The following EPB41L5 variants were observed in gnomAD, a reference collection of about 807,000 sequenced individuals.
EPB41L5 encodes erythrocyte membrane protein band 4.1 like 5.
Under a neutral mutation model 106.6 loss-of-function variants are expected in EPB41L5, and 55 were observed. The ratio of observed to expected loss-of-function variants is 0.52; its 90% CI spans 0.42 to 0.65. The LOEUF (loss-of-function observed/expected upper bound fraction) is 0.65. Ranked by LOEUF, EPB41L5 falls within the 30% of genes least tolerant of loss-of-function variation. The pLI, the probability that EPB41L5 is intolerant of heterozygous loss-of-function variation, is 0.00. For missense variants in EPB41L5, 871 were observed against 882.1 expected (o/e 0.99, Z 0.16); for synonymous variants, 297 against 306.7 (o/e 0.97, Z 0.33).
intron 24 of EPB41L5, 70 bp downstream of exon 24, chr2:120,168,077 A>G (rs1190937412): frequency 1.3e-6 from 2 of 1,536,352 alleles, no homozygotes; most frequent in Admixed American, 1.8e-5. Context: ...AAAACTTATT[A>G]TCTCTAAAGC....
chr2:120,105,753 T>A (rs1334783814), intron 16 of EPB41L5: 7 of 985,216 alleles, frequency 7.1e-6, no homozygotes, highest in African/African-American at 1.7e-5. Context: ...TGTATGGCCC[T>A]TATAGTTGTT....
intron 22 of EPB41L5, among the ~76,000 whole-genome samples, chr2:120,166,133 C>T (rs1424644004): frequency 6.6e-6 from 1 of 152,020 alleles, no homozygotes; most frequent in East Asian, 1.9e-4. Flanking sequence ...TTGTGTATAT[C>T]AGAATCCCTT....
chr2:120,040,126 A>T (rs924593940), intron 2 of EPB41L5, among the ~76,000 whole-genome samples: 3 of 151,792 alleles, frequency 2.0e-5, no homozygotes, highest in African/African-American at 7.2e-5. Context: ...TAAAAAAAAG[A>T]TGGCAGCACT....
rs1038728388 is a variant in EPB41L5, at chr2:120,176,996, T to C, written c.*2089T>C. The C allele has an allele frequency of 2.6e-5, 4 of 152,184 alleles. No individual in the cohort carries two copies. The highest frequency in any genetic ancestry group is 4.8e-5 in the African/African-American group (2 of 41,442). 9.4% of individuals were successfully genotyped at this position (152,184 alleles called of 1,614,324 possible). On this transcript the variant is annotated 3_prime_UTR_variant, in exon 25 of 25. Transcript: ENST00000263713. The stretch of plus-strand genomic sequence containing the variant: ...TGAATTTCAAGCTCAGAGGAAACTT[T>C]GTCTCATGCCCTGACATGAAGTGGC...
At chr2:120,118,589 TGTAA>T (rs1309952249) in intron 16 of EPB41L5, among the ~76,000 whole-genome samples, 2 of 152,144 alleles carry the variant, frequency 1.3e-5, no homozygotes, top group African/African-American at 2.4e-5. Context: ...AGCTCCCAGT[TGTAA>T]GTGAGAACAT....
chr2:120,115,404 TTTTA>T (rs1340353925), intron 16 of EPB41L5, among the ~76,000 whole-genome samples: 1 of 152,208 alleles, frequency 6.6e-6, no homozygotes, highest in Non-Finnish European at 1.5e-5. Context: ...TCTCTTACTA[TTTTA>T]TTTATTTGTT....
At chr2:120,118,111 T>C (rs1340600573) in intron 16 of EPB41L5, among the ~76,000 whole-genome samples, 1 of 152,194 alleles carries the variant, frequency 6.6e-6, no homozygotes, top group Non-Finnish European at 1.5e-5. Flanking sequence ...AATTCAGCTA[T>C]CCTTGCCTCC....
At chr2:120,091,812 A>C (rs1298345738) in intron 13 of EPB41L5, 151 bp downstream of exon 13, 3 of 621,466 alleles carry the variant, frequency 4.8e-6, no homozygotes, top group Non-Finnish European at 5.7e-6. Flanking sequence ...ATTTCATGGG[A>C]TACACAGAGA....
At chr2:120,109,891 T>C (rs1000992480) in intron 16 of EPB41L5, among the ~76,000 whole-genome samples, 2 of 152,380 alleles carry the variant, frequency 1.3e-5, no homozygotes, top group Non-Finnish European at 1.5e-5. Context: ...GGTATGATTG[T>C]GCAGATTGCA....
intron 18 of EPB41L5, among the ~76,000 whole-genome samples, chr2:120,136,022 TACA>T (rs1327460812): frequency 2.2e-5 from 3 of 138,520 alleles, no homozygotes; most frequent in African/African-American, 8.3e-5. Flanking sequence ...AAAATGTAAC[TACA>T]ACAACTTTTC....
chr2:120,098,156 T>TTTTGTGTGTGTGTGTGTGTG (rs1553506368), intron 14 of EPB41L5, among the ~76,000 whole-genome samples: 7 of 133,728 alleles, frequency 5.2e-5, no homozygotes, highest in East Asian at 2.3e-4. Flanking sequence ...ATTGTTTGTT[T>TTTTGTGTGTGTGTGTGTGTG]TGTGTGTGTG....
At chr2:120,100,556 T>A (rs935282446) in intron 15 of EPB41L5, 143 bp from the exon 16 acceptor site, 25 of 677,596 alleles carry the variant, frequency 3.7e-5, no homozygotes, top group African/African-American at 2.7e-4. Flanking sequence ...ATTCATTAAC[T>A]ATCTCTAAGG....
At chr2:120,145,455 T>C (rs973309215) in intron 19 of EPB41L5, among the ~76,000 whole-genome samples, 11 of 152,156 alleles carry the variant, frequency 7.2e-5, no homozygotes, top group African/African-American at 2.7e-4. Flanking sequence ...GGTACTGTGA[T>C]TCCAATTATA....
intron 24 of EPB41L5, among the ~76,000 whole-genome samples, chr2:120,168,796 T>C (rs895835201): frequency 6.6e-6 from 1 of 152,248 alleles, no homozygotes; most frequent in Non-Finnish European, 1.5e-5. Flanking sequence ...ACTTATTGAA[T>C]GTCTGTGATG....
At chr2:120,120,200 G>T (rs1685145834) in intron 16 of EPB41L5, among the ~76,000 whole-genome samples, 1 of 152,070 alleles carries the variant, frequency 6.6e-6, no homozygotes, top group Admixed American at 6.6e-5. Context: ...AGGCTGAGGT[G>T]GGTAGATCAC....
At chr2:120,054,604 C>T (rs541497149) in intron 3 of EPB41L5, among the ~76,000 whole-genome samples, 3 of 151,794 alleles carry the variant, frequency 2.0e-5, no homozygotes, top group African/African-American at 7.3e-5. Flanking sequence ...CCGGTTCGAG[C>T]AGTTCTCCTG....
intron 1 of EPB41L5, among the ~76,000 whole-genome samples, chr2:120,015,015 A>T (rs1490192800): frequency 1.4e-5 from 2 of 146,384 alleles, no homozygotes; most frequent in Non-Finnish European, 3.0e-5. Flanking sequence ...CATTCATATT[A>T]TTTTTTTTTT....
intron 10 of EPB41L5, among the ~76,000 whole-genome samples, chr2:120,082,541 C>T (rs969579963): frequency 6.6e-6 from 1 of 152,142 alleles, no homozygotes; most frequent in African/African-American, 2.4e-5. Flanking sequence ...CATCGATGTT[C>T]ATCAGGGATA....
intron 16 of EPB41L5, among the ~76,000 whole-genome samples, chr2:120,111,284 A>C (rs998488123): frequency 6.6e-6 from 1 of 152,212 alleles, no homozygotes; most frequent in African/African-American, 2.4e-5. Context: ...GATATTGGGC[A>C]TCCCGAATTT....
Sources: gnomAD v4.1 joint callset for allele counts (sites outside exome capture counted in the v4.1 genomes callset) on GRCh38, gnomAD v4.1.1 for gene constraint, MANE v1.5 for transcripts, NCBI Gene and HGNC (gene_info 2026-07-23, HGNC 2026-07-21) for gene names.